The following PHACTR1 variants were observed in gnomAD, a reference collection of about 807,000 sequenced individuals.
PHACTR1 encodes phosphatase and actin regulator 1.
PHACTR1 carries 16 observed loss-of-function variants against 69.2 expected under a neutral mutation model. The observed-to-expected ratio is 0.23, with a 90% CI of 0.16 to 0.35. The LOEUF (loss-of-function observed/expected upper bound fraction) is 0.35, where lower values mean the gene tolerates loss of function less well. Among genes scored for constraint, PHACTR1 ranks in the 10% least tolerant of loss-of-function variants. The pLI is 1.00. For missense variants in PHACTR1, 510 were observed against 734.7 expected (o/e 0.69, Z 3.54); for synonymous variants, 312 against 284.5 (o/e 1.10, Z -0.97).
intron 4 of PHACTR1, among the ~76,000 whole-genome samples, chr6:12,984,594 C>T (rs1356794160): frequency 1.3e-5 from 2 of 152,198 alleles, no homozygotes; most frequent in African/African-American, 2.4e-5. Context: ...TCTGGTGTTC[C>T]AAGAAAGAAT....
chr6:13,136,897 G>A (rs1015997453), intron 5 of PHACTR1, among the ~76,000 whole-genome samples: 4 of 152,146 alleles, frequency 2.6e-5, no homozygotes, highest in Admixed American at 6.5e-5. Flanking sequence ...GATTACAATA[G>A]TAACATCAAA....
intron 4 of PHACTR1, among the ~76,000 whole-genome samples, chr6:13,043,458 G>A (rs1804519391): frequency 6.6e-6 from 1 of 152,066 alleles, no homozygotes; most frequent in Non-Finnish European, 1.5e-5. Flanking sequence ...GGTGGCGCTG[G>A]GGAGGCTGAA....
intron 12 of PHACTR1, chr6:13,280,444 G>A (rs1347359801): frequency 6.4e-6 from 1 of 156,018 alleles, no homozygotes; most frequent in Non-Finnish European, 1.4e-5. Flanking sequence ...GGCGCCTTCC[G>A]GCAGGTAGGG....
At chr6:12,728,903 G>A (rs1763136350) in intron 3 of PHACTR1, among the ~76,000 whole-genome samples, 1 of 152,112 alleles carries the variant, frequency 6.6e-6, no homozygotes, top group Non-Finnish European at 1.5e-5. Context: ...TAAATAATAG[G>A]CTAGATGGCA....
intron 4 of PHACTR1, among the ~76,000 whole-genome samples, chr6:12,929,346 C>T (rs926235941): frequency 6.6e-6 from 1 of 152,128 alleles, no homozygotes; most frequent in Non-Finnish European, 1.5e-5. Context: ...TAGTAAGTCA[C>T]GTTCACCCGA....
At chr6:13,071,748 C>T (rs959295489) in intron 5 of PHACTR1, among the ~76,000 whole-genome samples, 5 of 152,090 alleles carry the variant, frequency 3.3e-5, no homozygotes, top group Admixed American at 1.3e-4. Flanking sequence ...GGTTTTGTTC[C>T]GTATTGCTGG....
chr6:12,912,050 T>C (rs1264200397), intron 4 of PHACTR1, among the ~76,000 whole-genome samples: 2 of 152,226 alleles, frequency 1.3e-5, no homozygotes, highest in African/African-American at 4.8e-5. Context: ...CAGGCTGGAG[T>C]GCAGTGGTGA....
chr6:12,717,257 C>T (rs922728357), intron 1 of PHACTR1, among the ~76,000 whole-genome samples: 4 of 152,224 alleles, frequency 2.6e-5, no homozygotes, highest in Middle Eastern at 6.8e-3. Context: ...TTCTAGACAA[C>T]TTTTCTATAT....
intron 4 of PHACTR1, among the ~76,000 whole-genome samples, chr6:12,768,868 A>G (rs560249294): frequency 2.2e-4 from 33 of 148,160 alleles, no homozygotes; most frequent in African/African-American, 7.4e-4. Flanking sequence ...ACACAATGGA[A>G]TACTATTGAG....
chr6:12,884,733 G>T (rs1486141170), intron 4 of PHACTR1, among the ~76,000 whole-genome samples: 1 of 151,988 alleles, frequency 6.6e-6, no homozygotes, highest in Non-Finnish European at 1.5e-5. Flanking sequence ...AATCATGGCA[G>T]GCATCAATGC....
intron 8 of PHACTR1, among the ~76,000 whole-genome samples, chr6:13,210,900 G>A (rs1293157188): frequency 7.6e-6 from 1 of 132,330 alleles, no homozygotes; most frequent in African/African-American, 3.0e-5. Context: ...GAAGATGATG[G>A]TTTATCATTT....
At chr6:13,030,016 C>T (rs1396177770) in intron 4 of PHACTR1, among the ~76,000 whole-genome samples, 2 of 152,168 alleles carry the variant, frequency 1.3e-5, no homozygotes, top group Non-Finnish European at 2.9e-5. Context: ...ATAGCATCCA[C>T]GTTTAGAGTT....
chr6:12,794,113 G>C (rs996480794), intron 4 of PHACTR1, among the ~76,000 whole-genome samples: 8 of 152,138 alleles, frequency 5.3e-5, no homozygotes, highest in South Asian at 4.1e-4. Flanking sequence ...AACCCACTTG[G>C]CCTATTTATG....
chr6:13,286,094 T>C (rs921934909), intron 13 of PHACTR1, 52 bp from the exon 14 acceptor site: 1 of 1,481,118 alleles, frequency 6.8e-7, no homozygotes, highest in African/African-American at 1.4e-5. Flanking sequence ...GAAAGGGGAG[T>C]TTTTTTCTGT....
intron 5 of PHACTR1, among the ~76,000 whole-genome samples, chr6:13,058,867 G>A (rs1205233294): frequency 1.3e-5 from 2 of 152,158 alleles, no homozygotes; most frequent in Non-Finnish European, 1.5e-5. Context: ...GCGGGTTGAG[G>A]CTGGAGAGGT....
At chr6:13,165,354 A>C (rs1759638404) in intron 6 of PHACTR1, among the ~76,000 whole-genome samples, 1 of 152,200 alleles carries the variant, frequency 6.6e-6, no homozygotes, top group African/African-American at 2.4e-5. Flanking sequence ...TTTGAACTTA[A>C]TTTAAACAAA....
In PHACTR1 at chr6:13,030,382, G is replaced by A. The variant is rs145689770; in HGVS notation, c.251-22983G>A. ...TAGCACTCAATATATTATAGCTAAC[G>A]GGGAGGAAGAGAAGATGTTGAAAAA... is the stretch of plus-strand genomic sequence containing the variant. On this transcript the variant is annotated intron_variant, in intron 4 of 14. Transcript: ENST00000332995. Among the ~76,000 whole-genome samples, 210 of 152,254 alleles carry A rather than the reference G, an allele frequency of 1.4e-3. 1 individual carries two copies. Among genetic ancestry groups the A allele is most frequent in the Middle Eastern group, 3.4e-3 (1 of 294 alleles).
intron 8 of PHACTR1, chr6:13,214,205 T>C (rs1767324096): frequency 7.3e-6 from 1 of 137,844 alleles, no homozygotes; most frequent in Admixed American, 7.7e-5. Context: ...GGGACTGTGC[T>C]TGCGCTTTCC....
intron 10 of PHACTR1, among the ~76,000 whole-genome samples, chr6:13,239,647 A>G (rs1772528629): frequency 6.6e-6 from 1 of 152,250 alleles, no homozygotes; most frequent in Non-Finnish European, 1.5e-5. Context: ...CATGGGTCAC[A>G]GCCATCACAG....
Sources: gnomAD v4.1 joint callset for allele counts (sites outside exome capture counted in the v4.1 genomes callset) on GRCh38, gnomAD v4.1.1 for gene constraint, MANE v1.5 for transcripts, NCBI Gene and HGNC (gene_info 2026-07-23, HGNC 2026-07-21) for gene names.